Variants in EFCAB12 observed in about 807,000 individuals in gnomAD.
The protein encoded by EFCAB12 is EF-hand calcium-binding domain-containing protein 12.
Under a neutral mutation model 53.6 loss-of-function variants are expected in EFCAB12, and 43 were observed. The observed-to-expected ratio is 0.80, with a 90% CI of 0.63 to 1.03. The LOEUF is 1.03. Among genes scored for constraint, EFCAB12 ranks in the 50% least tolerant of loss-of-function variants. The probability of loss-of-function intolerance (pLI) is 0.00; values close to 1 mark genes in which losing one functional copy is unlikely to be tolerated. For synonymous variants in EFCAB12, 269 were observed against 289.2 expected (o/e 0.93, Z 0.71); for missense variants, 646 against 730.6 (o/e 0.88, Z 1.34).
At position 129,411,301 on chromosome 3, in the gene EFCAB12, C is replaced by T; in HGVS notation, c.892G>A (p.Glu298Lys). ...GGAAGCTGTGGGGCTGAATCCACCT[C>T]CTGCTTCTTGAGCGGACCCTTCAGG... ...DSLKGPLKKQEVDSAPQLPKV... is the reference protein window; with the variant it reads ...DSLKGPLKKQKVDSAPQLPKV... Residue 298 changes from glutamate to lysine, a missense_variant, in exon 5 of 9, where the codon GAG becomes AAG. Physicochemically the swap from Glu to Lys is moderately conservative, Grantham distance 56. Coordinates refer to ENST00000505956, the MANE Select transcript of EFCAB12 (RefSeq NM_207307.3). 6.2e-7 allele frequency: 1 copy of T among 1,610,766 alleles called. No homozygotes were observed. The highest frequency in any genetic ancestry group is 1.3e-5 in the African/African-American group (1 of 74,938).
chr3:129,401,780 AG>A lies in EFCAB12; in HGVS notation c.1531del (p.Leu511TrpfsTer48). 1 of 1,612,226 alleles carries A rather than the reference AG, an allele frequency of 6.2e-7. No individual in the cohort carries two copies. The highest frequency in any genetic ancestry group is 8.5e-7 in the Non-Finnish European group (1 of 1,179,110). ...HPNSFWPGHL[L>X]DKLQLYLPTV... Reference sequence around the variant, plus strand: ...GGGCAGGTAGAGCTGCAGCTTATCCAGAAGATGACCCGGCCAGAAGGAATTG... The same window carrying A: ...GGGCAGGTAGAGCTGCAGCTTATCCAAAGATGACCCGGCCAGAAGGAATTG... On this transcript the variant is annotated frameshift_variant, in exon 9 of 9. Transcript: ENST00000505956. LOFTEE classifies it low-confidence loss of function (END_TRUNC).
At chr3:129,427,287 GCTA>G (rs1254408017) in intron 1 of EFCAB12, among the ~76,000 whole-genome samples, 1 of 152,194 alleles carries the variant, frequency 6.6e-6, no homozygotes, top group Non-Finnish European at 1.5e-5. Flanking sequence ...ACTGTGCCCA[GCTA>G]CTGACAAGGA....
At chr3:129,419,533 T>C (rs2072162045) in intron 2 of EFCAB12, among the ~76,000 whole-genome samples, 1 of 152,236 alleles carries the variant, frequency 6.6e-6, no homozygotes, top group Non-Finnish European at 1.5e-5. Context: ...TTGGTTATCA[T>C]GGAAGAGGGC....
intron 2 of EFCAB12, among the ~76,000 whole-genome samples, chr3:129,419,601 C>A (rs1473223609): frequency 6.6e-6 from 1 of 152,196 alleles, no homozygotes; most frequent in South Asian, 2.1e-4. Context: ...TCGTGCACCC[C>A]CTCACCCTGA....
chr3:129,406,715 C>T (rs1019074996), intron 6 of EFCAB12, among the ~76,000 whole-genome samples: 1 of 152,122 alleles, frequency 6.6e-6, no homozygotes, highest in African/African-American at 2.4e-5. Flanking sequence ...GTTGCCCAGG[C>T]TGTTCTCGAA....
intron 3 of EFCAB12, among the ~76,000 whole-genome samples, chr3:129,417,332 A>C (rs1393440686): frequency 1.8e-4 from 25 of 136,748 alleles, no homozygotes; most frequent in African/African-American, 5.4e-4. Flanking sequence ...TCAAAAAAAA[A>C]AAAAAAACCA....
intron 2 of EFCAB12, among the ~76,000 whole-genome samples, chr3:129,420,190 A>G (rs558044760): frequency 6.6e-6 from 1 of 152,220 alleles, no homozygotes; most frequent in African/African-American, 2.4e-5. Flanking sequence ...CCCAATGGAC[A>G]CTTGTGAGAT....
chr3:129,423,416 C>A (rs974551492), intron 1 of EFCAB12, among the ~76,000 whole-genome samples: 3 of 151,656 alleles, frequency 2.0e-5, no homozygotes, highest in Non-Finnish European at 4.4e-5. Flanking sequence ...TGCTTGAGCC[C>A]AGGAGTTCAA....
intron 4 of EFCAB12, chr3:129,411,932 AAAAC>A (rs112947834): frequency 5.3e-5 from 8 of 152,100 alleles, no homozygotes; most frequent in Non-Finnish European, 1.0e-4. Flanking sequence ...CTCCCTCTCA[AAAAC>A]AAACAAACAA....
intron 1 of EFCAB12, among the ~76,000 whole-genome samples, chr3:129,422,914 T>C (rs1173328734): frequency 6.6e-6 from 1 of 152,176 alleles, no homozygotes; most frequent in Non-Finnish European, 1.5e-5. Flanking sequence ...CATGTTTATT[T>C]TTTCTAGTAG....
Position 129,415,310 on chromosome 3 carries a change from A to G in EFCAB12, c.773T>C (p.Leu258Pro). The G allele has an allele frequency of 6.2e-7, 1 of 1,613,488 alleles. No individual in the cohort carries two copies. The highest frequency in any genetic ancestry group is 1.1e-5 in the South Asian group (1 of 91,026). ...GKHNTITMDI[L>P]ANTYKQWSMA... ...AGACCACTGCTTGTAGGTATTGGCC[A>G]GGATATCCATGGTGATGGTGTTGTG... Residue 258 changes from leucine (L) to proline (P), a missense_variant, in exon 4 of 9, where the codon CTG becomes CCG. Physicochemically the swap from Leu to Pro is moderately conservative, Grantham distance 98 (BLOSUM62 -3). Coordinates refer to ENST00000505956, the MANE Select transcript of EFCAB12 (RefSeq NM_207307.3).
At chr3:129,410,936 C>T (rs987988444) in intron 5 of EFCAB12, among the ~76,000 whole-genome samples, 5 of 152,096 alleles carry the variant, frequency 3.3e-5, no homozygotes, top group Non-Finnish European at 7.3e-5. Context: ...GAGAGGGGGA[C>T]GTGATAGTTT....
chr3:129,414,097 T>C (rs2072081314), intron 4 of EFCAB12: 1 of 152,196 alleles, frequency 6.6e-6, no homozygotes, highest in African/African-American at 2.4e-5. Context: ...AGATTACTAC[T>C]GTTGGGGTGG....
chr3:129,404,453 C>T, intron 6 of EFCAB12, 50 bp from the exon 7 acceptor site: 1 of 1,537,380 alleles, frequency 6.5e-7, no homozygotes, highest in South Asian at 1.3e-5. Flanking sequence ...GACTGCCCAT[C>T]CCTCCCTAAG....
rs117403753 is a variant in EFCAB12 at position 129,411,227 on chromosome 3, C to T, written c.966G>A (p.Thr322=). 2.2e-3 allele frequency: 3,471 copies of T among 1,613,812 alleles called. 22 individuals are homozygous for T. The highest frequency in any genetic ancestry group is 9.0e-3 in the East Asian group (404 of 44,876). The stretch of plus-strand genomic sequence containing the variant: ...CCATCTCCTCCAGGGTCATGGGCCG[C>T]GTCTCCATCTGCGTGTCGACTGCAG... ...TVPAVDTQME[T]RPMTLEEMEE... is the part of the protein sequence containing the mutation. Residue 322 remains threonine (T), a synonymous_variant, in exon 5 of 9, where the codon ACG becomes ACA. Transcript: ENST00000505956.
chr3:129,423,053 G>A (rs9851725), intron 1 of EFCAB12, among the ~76,000 whole-genome samples: 9,684 of 152,178 alleles, frequency 0.064, 916 homozygotes, highest in East Asian at 0.43. Context: ...ACAGACCTAT[G>A]ATGCTGGTAC....
At chr3:129,426,349 G>GT (rs1229958503) in intron 1 of EFCAB12, among the ~76,000 whole-genome samples, 1,480 of 106,584 alleles carry the variant, frequency 0.014, 26 homozygotes, top group African/African-American at 0.044. Context: ...GGCTTACAGG[G>GT]TTTTTTTTTG....
At chr3:129,422,906 T>C (rs1468600061) in intron 1 of EFCAB12, among the ~76,000 whole-genome samples, 2 of 152,162 alleles carry the variant, frequency 1.3e-5, no homozygotes, top group African/African-American at 4.8e-5. Flanking sequence ...ATTTGGTTCA[T>C]GTTTATTTTT....
At chr3:129,420,216 G>C (rs2072172053) in intron 2 of EFCAB12, among the ~76,000 whole-genome samples, 1 of 152,180 alleles carries the variant, frequency 6.6e-6, no homozygotes, top group Admixed American at 6.5e-5. Context: ...TAATAATACA[G>C]ATGGAAATCA....
Sources: gnomAD v4.1 joint callset for allele counts (sites outside exome capture counted in the v4.1 genomes callset) on GRCh38, gnomAD v4.1.1 for gene constraint, MANE v1.5 for transcripts, NCBI Gene and HGNC (gene_info 2026-07-23, HGNC 2026-07-21) for gene names.